NAALADL2: variants seen among roughly 807,000 people sequenced by gnomAD.
The protein encoded by NAALADL2 is N-acetylated alpha-linked acidic dipeptidase like 2, also known as inactive N-acetylated-alpha-linked acidic dipeptidase-like protein 2.
Under a neutral mutation model 87.2 loss-of-function variants are expected in NAALADL2, and 76 were observed. The observed-to-expected ratio is 0.87, with a 90% CI of 0.72 to 1.05. The LOEUF is 1.05. Ranked by LOEUF, NAALADL2 falls within the 50% of genes least tolerant of loss-of-function variation. NAALADL2 has a pLI of 0.00. For synonymous variants in NAALADL2, 354 were observed against 331.0 expected, an observed-to-expected ratio of 1.07 and a Z score of -0.75; for missense variants, 1,089 against 945.8, an observed-to-expected ratio of 1.15 and a Z score of -1.99.
intron 5 of NAALADL2, among the ~76,000 whole-genome samples, chr3:175,425,360 C>T (rs1260816791): frequency 6.6e-6 from 1 of 152,154 alleles, no homozygotes; most frequent in East Asian, 1.9e-4. Flanking sequence ...GCCCTTTCTA[C>T]TGATCCTGGC....
intron 1 of NAALADL2, among the ~76,000 whole-genome samples, chr3:175,090,240 A>G (rs1456976966): frequency 6.6e-6 from 1 of 152,086 alleles, no homozygotes; most frequent in Non-Finnish European, 1.5e-5. Flanking sequence ...TGAGACTTAA[A>G]CTTATGTGGT....
rs73881356 is a variant in NAALADL2, at chr3:175,706,617, A to G, written c.1897-30689A>G. On this transcript the variant is annotated intron_variant, in intron 11 of 13. Transcript: ENST00000454872. ...ACTTACCAAAGGATCATTGTCTCAT[A>G]TAGTCACATTGTCTCCCAGAATCCC... 5.8e-3 allele frequency among the ~76,000 whole-genome samples: 885 copies of G among 152,268 alleles called. 11 individuals are homozygous for G. Among genetic ancestry groups the G allele is most frequent in the African/African-American group, 0.02 (830 of 41,568 alleles).
chr3:175,681,876 A>G (rs1027825975), intron 11 of NAALADL2, among the ~76,000 whole-genome samples: 1 of 152,180 alleles, frequency 6.6e-6, no homozygotes, highest in African/African-American at 2.4e-5. Context: ...GTCAAGCCCA[A>G]TTTTTCTTTT....
chr3:174,881,045 C>T (rs1729126100), intron 1 of NAALADL2, among the ~76,000 whole-genome samples: 1 of 152,010 alleles, frequency 6.6e-6, no homozygotes, highest in African/African-American at 2.4e-5. Context: ...TTTAAGGATA[C>T]CTATTGCTGG....
At chr3:175,713,181 A>G (rs1260748888) in intron 11 of NAALADL2, among the ~76,000 whole-genome samples, 1 of 152,160 alleles carries the variant, frequency 6.6e-6, no homozygotes, top group Non-Finnish European at 1.5e-5. Context: ...TAACAGGGTT[A>G]ATGTTCAAAG....
chr3:175,203,398 A>T (rs985181247), intron 2 of NAALADL2, among the ~76,000 whole-genome samples: 6 of 152,250 alleles, frequency 3.9e-5, no homozygotes, highest in Non-Finnish European at 8.8e-5. Flanking sequence ...TCTCCCACAA[A>T]CAGACCTTCA....
At chr3:175,798,704 GATGT>G (rs1468894847) in intron 13 of NAALADL2, among the ~76,000 whole-genome samples, 1 of 151,808 alleles carries the variant, frequency 6.6e-6, no homozygotes, top group Non-Finnish European at 1.5e-5. Flanking sequence ...ATTTTTTTAG[GATGT>G]ATTTTTATTC....
chr3:174,902,882 A>G (rs1258974991), intron 1 of NAALADL2, among the ~76,000 whole-genome samples: 1 of 152,126 alleles, frequency 6.6e-6, no homozygotes, highest in African/African-American at 2.4e-5. Context: ...AGGTTAGCAC[A>G]TATTCTCCCA....
intron 11 of NAALADL2, among the ~76,000 whole-genome samples, chr3:175,662,347 C>G (rs1732377390): frequency 6.6e-6 from 1 of 151,896 alleles, no homozygotes; most frequent in Non-Finnish European, 1.5e-5. Context: ...GATATTTTAA[C>G]CTGTAACTTT....
In NAALADL2 at chr3:175,698,365, ATATG is replaced by A. The variant is rs1340317964; in HGVS notation, c.1897-38935_1897-38932del. On this transcript the variant is annotated intron_variant, in intron 11 of 13. Coordinates refer to ENST00000454872, the MANE Select transcript of NAALADL2 (RefSeq NM_207015.3). ...TGTATGTGTATTTATGTATGTGTATATATGTATGTGTATTTATGTATGTATACAT... is the reference window on the plus strand; with the variant it reads ...TGTATGTGTATTTATGTATGTGTATATATGTGTATTTATGTATGTATACAT... Among the ~76,000 whole-genome samples, 3 of 87,886 alleles carry A rather than the reference ATATG, an allele frequency of 3.4e-5. 1 individual carries two copies. Among genetic ancestry groups the A allele is most frequent in the South Asian group, 2.9e-4 (1 of 3,456 alleles). The allele number at this position is 87,886 out of a possible 152,430, so 57.7% of individuals were successfully genotyped here.
At chr3:174,603,343 T>C (rs1718646381) in intron 2 of NAALADL2, among the ~76,000 whole-genome samples, 1 of 152,052 alleles carries the variant, frequency 6.6e-6, no homozygotes, top group Non-Finnish European at 1.5e-5. Context: ...CTTGGTAGGT[T>C]GTATGTGTCT....
intron 2 of NAALADL2, among the ~76,000 whole-genome samples, chr3:175,171,177 T>C (rs1243896170): frequency 9.9e-5 from 15 of 152,020 alleles, no homozygotes; most frequent in Non-Finnish European, 1.6e-4. Context: ...TTAGGTCAGG[T>C]GCTATTATTC....
chr3:175,718,513 T>A, intron 11 of NAALADL2: 1 of 1,590,622 alleles, frequency 6.3e-7, no homozygotes, highest in Non-Finnish European at 8.6e-7. Context: ...GAGGCCCAAT[T>A]ATCATCCCTG....
At chr3:175,218,933 G>A (rs1355134841) in intron 2 of NAALADL2, among the ~76,000 whole-genome samples, 1 of 151,962 alleles carries the variant, frequency 6.6e-6, no homozygotes, top group Non-Finnish European at 1.5e-5. Context: ...AGCCTCCCAA[G>A]TAACTGGGAT....
Position 175,363,116 on chromosome 3 carries a change from C to T in NAALADL2, c.1090+38791C>T, listed in dbSNP as rs546326543. ...TGTTTGTTTCTGTCCCTGGAATGTA[C>T]CTTGATTTTGTCTTTCAGCTTTCTA... On this transcript the variant is annotated intron_variant, in intron 5 of 13. Transcript: ENST00000454872. Among the ~76,000 whole-genome samples the T allele has an allele frequency of 1.7e-3, 251 of 147,226 alleles. 21 individuals are homozygous for T. In the South Asian group the frequency reaches 0.019, roughly 11 times the overall value.
intron 1 of NAALADL2, among the ~76,000 whole-genome samples, chr3:175,003,270 T>C (rs186143603): frequency 6.6e-6 from 1 of 152,318 alleles, no homozygotes; most frequent in East Asian, 1.9e-4. Flanking sequence ...GTAATCCCTG[T>C]GCTTCAAGAG....
At chr3:175,541,865 T>C (rs1712397665) in intron 9 of NAALADL2, among the ~76,000 whole-genome samples, 1 of 152,088 alleles carries the variant, frequency 6.6e-6, no homozygotes, top group African/African-American at 2.4e-5. Flanking sequence ...GGATTACAGG[T>C]GTGTGACACC....
chr3:174,595,093 AAC>A (rs1264722479), intron 2 of NAALADL2, among the ~76,000 whole-genome samples: 1 of 152,114 alleles, frequency 6.6e-6, no homozygotes, highest in African/African-American at 2.4e-5. Context: ...GCGGCATAAA[AAC>A]ACTCATCATG....
chr3:175,657,557 G>A lies in NAALADL2; in HGVS notation c.1896+30171G>A, dbSNP rs78698208. ...AAAATGAGAAACTTACAAGCATGTT[G>A]GAAAAAAATACTCATTTTACTGTTT... On this transcript the variant is annotated intron_variant, in intron 11 of 13. Coordinates refer to ENST00000454872, the MANE Select transcript of NAALADL2 (RefSeq NM_207015.3). Among the ~76,000 whole-genome samples the A allele has an allele frequency of 2.8e-3, 427 of 150,238 alleles. 1 individual carries two copies. Among genetic ancestry groups the A allele is most frequent in the African/African-American group, 9.6e-3 (396 of 41,090 alleles).
Sources: gnomAD v4.1 joint callset for allele counts (sites outside exome capture counted in the v4.1 genomes callset) on GRCh38, gnomAD v4.1.1 for gene constraint, MANE v1.5 for transcripts, NCBI Gene and HGNC (gene_info 2026-07-23, HGNC 2026-07-21) for gene names.